The following NELL1 variants were observed in gnomAD, a reference collection of about 807,000 sequenced individuals.
The protein encoded by NELL1 is protein kinase C-binding protein NELL1.
NELL1 carries 76 observed loss-of-function variants against 107.4 expected under a neutral mutation model. The ratio of observed to expected loss-of-function variants is 0.71; its 90% confidence interval spans 0.59 to 0.86. The LOEUF (loss-of-function observed/expected upper bound fraction) is 0.86. Among genes scored for constraint, NELL1 ranks in the 40% least tolerant of loss-of-function variants. The probability of loss-of-function intolerance (pLI) is 0.00; values close to 1 mark genes in which losing one functional copy is unlikely to be tolerated. For synonymous variants in NELL1, 353 were observed against 341.2 expected, an observed-to-expected ratio of 1.03 and a Z score of -0.38; for missense variants, 1,024 against 1,005.5, an observed-to-expected ratio of 1.02 and a Z score of -0.25.
chr11:21,395,682 G>A (rs1851964770), intron 15 of NELL1, among the ~76,000 whole-genome samples: 1 of 151,302 alleles, frequency 6.6e-6, no homozygotes, highest in South Asian at 2.1e-4. Context: ...CTAGTATACA[G>A]GAAATAACAC....
intron 2 of NELL1, among the ~76,000 whole-genome samples, chr11:20,706,099 A>C (rs965338296): frequency 6.6e-6 from 1 of 152,192 alleles, no homozygotes; most frequent in African/African-American, 2.4e-5. Flanking sequence ...ATTGTGGAAG[A>C]CAGTGTGGCG....
chr11:21,131,643 G>T (rs1415336169), intron 13 of NELL1, among the ~76,000 whole-genome samples: 1 of 152,082 alleles, frequency 6.6e-6, no homozygotes, highest in East Asian at 1.9e-4. Flanking sequence ...TTGTTTTGGG[G>T]GAGGGAGGCT....
chr11:20,673,973 T>C (rs903331084), intron 1 of NELL1, among the ~76,000 whole-genome samples: 2 of 152,182 alleles, frequency 1.3e-5, no homozygotes, highest in Non-Finnish European at 2.9e-5. Flanking sequence ...CATCCTGCTA[T>C]GGGCACGAGG....
chr11:21,558,962 G>A (rs1856787292), intron 16 of NELL1, among the ~76,000 whole-genome samples: 1 of 152,038 alleles, frequency 6.6e-6, no homozygotes, highest in African/African-American at 2.4e-5. Flanking sequence ...GAGATATAGT[G>A]AGGCTTGATT....
chr11:20,768,077 T>C (rs2133965208), intron 2 of NELL1, among the ~76,000 whole-genome samples: 1 of 152,308 alleles, frequency 6.6e-6, no homozygotes, highest in South Asian at 2.1e-4. Flanking sequence ...GCAAAGATAA[T>C]ATTATTATTA....
intron 12 of NELL1, among the ~76,000 whole-genome samples, chr11:21,031,057 TA>T (rs1346126194): frequency 6.6e-6 from 1 of 152,130 alleles, no homozygotes; most frequent in Non-Finnish European, 1.5e-5. Context: ...TATATTTGAA[TA>T]AAAAGGGTAT....
intron 14 of NELL1, among the ~76,000 whole-genome samples, chr11:21,247,798 C>T (rs987506743): frequency 6.6e-6 from 1 of 152,146 alleles, no homozygotes; most frequent in African/African-American, 2.4e-5. Flanking sequence ...ATTGGCAGCA[C>T]AGTAGGTTTG....
chr11:21,095,810 A>G (rs941396701), intron 12 of NELL1, among the ~76,000 whole-genome samples: 3 of 152,040 alleles, frequency 2.0e-5, no homozygotes, highest in Non-Finnish European at 2.9e-5. Context: ...AGGTTTCAGC[A>G]TGTTGGTCAG....
At chr11:20,970,820 A>G (rs1325074401) in intron 12 of NELL1, among the ~76,000 whole-genome samples, 1 of 152,122 alleles carries the variant, frequency 6.6e-6, no homozygotes, top group Non-Finnish European at 1.5e-5. Context: ...GTATATACAC[A>G]TATAGGATGC....
At chr11:20,986,377 AT>A (rs1402624983) in intron 12 of NELL1, among the ~76,000 whole-genome samples, 2 of 152,100 alleles carry the variant, frequency 1.3e-5, no homozygotes, top group Non-Finnish European at 2.9e-5. Context: ...GAAAGATTGC[AT>A]TTTTCAGCTG....
chr11:21,410,091 T>C (rs566120525), intron 15 of NELL1, among the ~76,000 whole-genome samples: 1 of 152,236 alleles, frequency 6.6e-6, no homozygotes, highest in African/African-American at 2.4e-5. Context: ...TCTTAACTAT[T>C]TTCTGCATTG....
At chr11:21,362,712 G>T (rs1194471475) in intron 14 of NELL1, among the ~76,000 whole-genome samples, 1 of 152,132 alleles carries the variant, frequency 6.6e-6, no homozygotes, top group Non-Finnish European at 1.5e-5. Context: ...AAGTATTTTG[G>T]TTTCTCAGGC....
At chr11:21,382,433 C>T (rs1851636444) in intron 15 of NELL1, among the ~76,000 whole-genome samples, 1 of 151,912 alleles carries the variant, frequency 6.6e-6, no homozygotes, top group Non-Finnish European at 1.5e-5. Flanking sequence ...ATTCAGTAAA[C>T]ATTTGATAAA....
At chr11:20,835,672 G>GA (rs1848522288) in intron 3 of NELL1, among the ~76,000 whole-genome samples, 1 of 152,090 alleles carries the variant, frequency 6.6e-6, no homozygotes, top group Non-Finnish European at 1.5e-5. Flanking sequence ...GAAACCTTTG[G>GA]AAAAAACGTT....
intron 12 of NELL1, among the ~76,000 whole-genome samples, chr11:21,061,724 G>A (rs944523879): frequency 3.2e-4 from 48 of 152,128 alleles, no homozygotes; most frequent in African/African-American, 1.1e-3. Flanking sequence ...TTTTGCTGTC[G>A]GTGGTAGAGA....
intron 15 of NELL1, among the ~76,000 whole-genome samples, chr11:21,513,172 G>A (rs1405607553): frequency 6.6e-6 from 1 of 152,164 alleles, no homozygotes; most frequent in Non-Finnish European, 1.5e-5. Context: ...ATTAGGTTCT[G>A]ATTTGTAATT....
rs149417833 is a variant in NELL1 at position 20,823,850 on chromosome 11, G to A, written c.336-23733G>A. Among the ~76,000 whole-genome samples the A allele has an allele frequency of 6.3e-4, 95 of 151,308 alleles. 3 individuals carry two copies. The highest frequency in any genetic ancestry group is 4.3e-3 in the Admixed American group (65 of 15,060). On this transcript the variant is annotated intron_variant, in intron 3 of 19. Coordinates refer to ENST00000357134, the MANE Select transcript of NELL1 (RefSeq NM_006157.5). Reference sequence around the variant, plus strand: ...TCAGAAATGCCCCTGCACCTGCCCCGAAGAAAGCCTCACACAATCTAAATT... The same window carrying A: ...TCAGAAATGCCCCTGCACCTGCCCCAAAGAAAGCCTCACACAATCTAAATT...
chr11:21,258,526 G>T (rs1261234228), intron 14 of NELL1, among the ~76,000 whole-genome samples: 3 of 151,940 alleles, frequency 2.0e-5, no homozygotes, highest in Non-Finnish European at 2.9e-5. Flanking sequence ...CAGAGCTGTT[G>T]TACTAGTTTG....
intron 2 of NELL1, among the ~76,000 whole-genome samples, chr11:20,685,656 A>G (rs1186046551): frequency 6.6e-6 from 1 of 152,158 alleles, no homozygotes; most frequent in African/African-American, 2.4e-5. Flanking sequence ...GTGCTCGAAC[A>G]GTACTTGGTG....
Sources: gnomAD v4.1 joint callset for allele counts (sites outside exome capture counted in the v4.1 genomes callset) on GRCh38, gnomAD v4.1.1 for gene constraint, MANE v1.5 for transcripts, NCBI Gene and HGNC (gene_info 2026-07-23, HGNC 2026-07-21) for gene names.